Variants in SYTL3 observed in about 807,000 individuals in gnomAD.
The protein encoded by SYTL3 is synaptotagmin like 3.
SYTL3 carries 88 observed loss-of-function variants against 82.1 expected under a neutral mutation model. That is an observed-to-expected ratio of 1.07 (90% CI 0.90 to 1.28). The LOEUF (loss-of-function observed/expected upper bound fraction) is 1.28, where lower values mean the gene tolerates loss of function less well. Among genes scored for constraint, SYTL3 ranks in the 50% most tolerant of loss-of-function variants. SYTL3 has a pLI of 0.00. For synonymous variants in SYTL3, 311 were observed against 289.4 expected, an observed-to-expected ratio of 1.07 and a Z score of -0.76; for missense variants, 831 against 757.6, an observed-to-expected ratio of 1.10 and a Z score of -1.14.
At chr6:158,668,731 G>A (rs936692686) in intron 5 of SYTL3, among the ~76,000 whole-genome samples, 1 of 152,184 alleles carries the variant, frequency 6.6e-6, no homozygotes, top group Non-Finnish European at 1.5e-5. Context: ...GAGGAGGCTG[G>A]TGGCAATAGT....
chr6:158,691,844 G>A (rs1482747802), intron 6 of SYTL3, among the ~76,000 whole-genome samples: 8 of 150,432 alleles, frequency 5.3e-5, no homozygotes, highest in African/African-American at 1.5e-4. Context: ...GTAGAGACGG[G>A]GTTTCACCGT....
Position 158,745,586 on chromosome 6 carries a change from ATTC to A in SYTL3, c.965_967del (p.Ser322del). 6.2e-7 allele frequency: 1 copy of A among 1,613,836 alleles called. No homozygotes were observed. The highest frequency in any genetic ancestry group is 1.7e-4 in the Middle Eastern group (1 of 6,058). On this transcript the variant is annotated inframe_deletion, in exon 12 of 18. Transcript: ENST00000611299. ...GCCATTCATTATTGCTTCAAAACCC[ATTC>A]TTTAGAAATATGCATCAAGGCCTGT... is the stretch of plus-strand genomic sequence containing the variant.
At chr6:158,681,535 G>T (rs940184305) in intron 5 of SYTL3, among the ~76,000 whole-genome samples, 1 of 152,028 alleles carries the variant, frequency 6.6e-6, no homozygotes, top group African/African-American at 2.4e-5. Context: ...AAAATTAGCC[G>T]GGTGTGGTGG....
chr6:158,758,039 T>TCGGAGA (rs1789374780), intron 14 of SYTL3, among the ~76,000 whole-genome samples: 1 of 152,112 alleles, frequency 6.6e-6, no homozygotes, highest in African/African-American at 2.4e-5. Context: ...TTAGCATTTC[T>TCGGAGA]CGGAGACGCT....
intron 8 of SYTL3, among the ~76,000 whole-genome samples, chr6:158,712,989 T>TGACCTCGTGATCCGCC (rs1205151838): frequency 6.6e-6 from 1 of 152,098 alleles, no homozygotes; most frequent in Non-Finnish European, 1.5e-5. Context: ...CTCGATCTCC[T>TGACCTCGTGATCCGCC]GACCTCGTGA....
chr6:158,731,924 T>C (rs955712911), intron 11 of SYTL3, among the ~76,000 whole-genome samples: 2 of 152,212 alleles, frequency 1.3e-5, no homozygotes, highest in Admixed American at 1.3e-4. Flanking sequence ...CCTCAAGTTA[T>C]TACTTTTAAT....
At chr6:158,685,857 G>A (rs138338949) in intron 6 of SYTL3, among the ~76,000 whole-genome samples, 1 of 152,184 alleles carries the variant, frequency 6.6e-6, no homozygotes, top group African/African-American at 2.4e-5. Context: ...CCTTTTTGTT[G>A]GTGGGCTGGA....
intron 10 of SYTL3, among the ~76,000 whole-genome samples, chr6:158,721,117 T>C (rs575442594): frequency 6.6e-6 from 1 of 152,184 alleles, no homozygotes; most frequent in Admixed American, 6.5e-5. Flanking sequence ...GACATTGTTA[T>C]GCGTGTGTCC....
chr6:158,668,025 A>G (rs1209943792), intron 5 of SYTL3, among the ~76,000 whole-genome samples: 3 of 152,214 alleles, frequency 2.0e-5, no homozygotes, highest in African/African-American at 7.2e-5. Flanking sequence ...GCATAAAACA[A>G]TCGTGTGGGG....
chr6:158,753,078 T>C (rs1167781436), intron 13 of SYTL3, among the ~76,000 whole-genome samples: 1 of 30,280 alleles, frequency 3.3e-5, no homozygotes, highest in East Asian at 2.8e-4. Flanking sequence ...TCTTCTTTTC[T>C]TTTTTTTTTT....
intron 2 of SYTL3, among the ~76,000 whole-genome samples, chr6:158,657,161 C>A (rs1302559810): frequency 6.6e-6 from 1 of 152,140 alleles, no homozygotes; most frequent in Admixed American, 6.5e-5. Context: ...CACGGTGACT[C>A]ATGCCTGTAA....
At chr6:158,760,769 AC>A (rs1296425502) in intron 15 of SYTL3, 24 bp downstream of exon 15, 2 of 1,573,828 alleles carry the variant, frequency 1.3e-6, no homozygotes, top group East Asian at 4.5e-5. Context: ...AGCTCCCTGG[AC>A]ATTGTCTGTG....
At chr6:158,760,530 G>T in intron 14 of SYTL3, 110 bp from the exon 15 acceptor site, 2 of 900,168 alleles carry the variant, frequency 2.2e-6, no homozygotes, top group South Asian at 2.8e-5. Flanking sequence ...CCAGGGCCTT[G>T]CAGGGGCCAG....
chr6:158,695,929 C>G (rs550982894), intron 6 of SYTL3, among the ~76,000 whole-genome samples: 1 of 152,300 alleles, frequency 6.6e-6, no homozygotes, highest in South Asian at 2.1e-4. Context: ...CATTCATCTG[C>G]TGATGGACAT....
At chr6:158,761,759 T>G (rs1288806148) in intron 15 of SYTL3, among the ~76,000 whole-genome samples, 1 of 152,206 alleles carries the variant, frequency 6.6e-6, no homozygotes, top group Non-Finnish European at 1.5e-5. Flanking sequence ...GGGCTCTCAC[T>G]TTCCCCCAAA....
intron 6 of SYTL3, among the ~76,000 whole-genome samples, chr6:158,701,849 G>T (rs191289516): frequency 6.6e-6 from 1 of 152,062 alleles, no homozygotes; most frequent in African/African-American, 2.4e-5. Context: ...AGGGTAGAAC[G>T]CTGCCTCCCT....
chr6:158,693,537 A>G (rs934443820), intron 6 of SYTL3, among the ~76,000 whole-genome samples: 5 of 152,134 alleles, frequency 3.3e-5, no homozygotes, highest in Non-Finnish European at 7.4e-5. Flanking sequence ...GGTGCATGCC[A>G]CTACACCCAG....
chr6:158,724,449 A>G (rs1784471272), intron 10 of SYTL3, among the ~76,000 whole-genome samples: 1 of 152,146 alleles, frequency 6.6e-6, no homozygotes, highest in African/African-American at 2.4e-5. Context: ...CCACCACCAA[A>G]AACTAAAGTC....
At chr6:158,718,539 C>A (rs1419497214) in intron 10 of SYTL3, among the ~76,000 whole-genome samples, 1 of 152,230 alleles carries the variant, frequency 6.6e-6, no homozygotes, top group Non-Finnish European at 1.5e-5. Flanking sequence ...AGGGCCCACA[C>A]CTGCCGGGTT....
Sources: allele counts gnomAD v4.1 joint callset (sites outside exome capture counted in the v4.1 genomes callset), GRCh38; gene constraint gnomAD v4.1.1; transcripts MANE v1.5; gene names NCBI Gene and HGNC (gene_info 2026-07-23, HGNC 2026-07-21).